The following SEMA3D variants were observed in gnomAD, a reference collection of about 807,000 sequenced individuals.
The protein encoded by SEMA3D is semaphorin-3D.
Under a neutral mutation model 100.1 loss-of-function variants are expected in SEMA3D, and 84 were observed. The observed-to-expected ratio is 0.84, with a 90% CI of 0.70 to 1.01. The LOEUF is 1.01. Ranked by LOEUF, SEMA3D falls within the 50% of genes least tolerant of loss-of-function variation. The pLI is 0.00. For synonymous variants in SEMA3D, 312 were observed against 320.7 expected (o/e 0.97, Z 0.29); for missense variants, 875 against 934.1 (o/e 0.94, Z 0.82).
chr7:85,039,293 T>G (rs536094957), intron 11 of SEMA3D, among the ~76,000 whole-genome samples: 1 of 152,124 alleles, frequency 6.6e-6, no homozygotes. Context: ...TGAGACAGAG[T>G]TTTGCTCTTG....
At chr7:85,228,482 A>G in the SEMA3D span, among the ~76,000 whole-genome samples, 1 of 152,238 alleles carries the variant, frequency 6.6e-6, no homozygotes, top group South Asian at 2.1e-4. Context: ...ATCTACTGGT[A>G]CACAGTGGTC....
chr7:85,110,489 A>G (rs1290211117), intron 3 of SEMA3D, among the ~76,000 whole-genome samples: 1 of 151,984 alleles, frequency 6.6e-6, no homozygotes, highest in Non-Finnish European at 1.5e-5. Flanking sequence ...CCTGTATCAT[A>G]TCATACTTAA....
the SEMA3D span, among the ~76,000 whole-genome samples, chr7:85,224,837 T>C: frequency 6.6e-6 from 1 of 151,876 alleles, no homozygotes; most frequent in African/African-American, 2.4e-5. Flanking sequence ...TTTATACTGA[T>C]AAGCATGAAA....
intron 1 of SEMA3D, among the ~76,000 whole-genome samples, chr7:85,171,972 G>GGT (rs1001625647): frequency 5.3e-5 from 8 of 149,846 alleles, no homozygotes; most frequent in South Asian, 4.2e-4. Context: ...TGTGTGTGTG[G>GGT]GTGTGTGTGT....
the SEMA3D span, among the ~76,000 whole-genome samples, chr7:85,210,511 T>C: frequency 6.6e-6 from 1 of 152,074 alleles, no homozygotes; most frequent in Admixed American, 6.6e-5. Context: ...AAGGATTCTA[T>C]GTAACTAGAG....
intron 3 of SEMA3D, among the ~76,000 whole-genome samples, chr7:85,104,379 C>T (rs746182153): frequency 6.6e-6 from 1 of 152,026 alleles, no homozygotes; most frequent in African/African-American, 2.4e-5. Context: ...TCTATATTTC[C>T]TTTAGCAAGC....
At chr7:85,128,949 T>G (rs1190424939) in intron 2 of SEMA3D, among the ~76,000 whole-genome samples, 1 of 146,640 alleles carries the variant, frequency 6.8e-6, no homozygotes, top group Non-Finnish European at 1.5e-5. Flanking sequence ...TAGAGTGCAG[T>G]GGCATGACCA....
the SEMA3D span, among the ~76,000 whole-genome samples, chr7:85,212,803 G>T: frequency 6.6e-6 from 1 of 151,498 alleles, no homozygotes; most frequent in Non-Finnish European, 1.5e-5. Context: ...TTATTTTTAG[G>T]TATTTTATTT....
At chr7:85,146,171 A>T (rs963234812) in intron 2 of SEMA3D, among the ~76,000 whole-genome samples, 2 of 152,204 alleles carry the variant, frequency 1.3e-5, no homozygotes, top group African/African-American at 4.8e-5. Context: ...TATTTGTATG[A>T]CATCTTACAG....
upstream of SEMA3D, among the ~76,000 whole-genome samples, chr7:85,187,651 T>G (rs546607876): frequency 6.6e-6 from 1 of 152,298 alleles, no homozygotes; most frequent in East Asian, 1.9e-4. Context: ...TTTTAGATTT[T>G]TGCACCCCTT....
intron 5 of SEMA3D, among the ~76,000 whole-genome samples, chr7:85,080,530 C>T (rs145195927): frequency 9.9e-5 from 15 of 152,132 alleles, no homozygotes; most frequent in Non-Finnish European, 2.1e-4. Context: ...GTTAGAGGTA[C>T]GATTAAAGGA....
At chr7:85,014,543 G>A (rs922600286) in intron 16 of SEMA3D, among the ~76,000 whole-genome samples, 5 of 151,684 alleles carry the variant, frequency 3.3e-5, no homozygotes, top group African/African-American at 4.8e-5. Context: ...CAAGGAAACC[G>A]TTTGTTGTTT....
chr7:85,082,827 C>T (rs1788104192), intron 4 of SEMA3D, among the ~76,000 whole-genome samples: 1 of 152,144 alleles, frequency 6.6e-6, no homozygotes, highest in Non-Finnish European at 1.5e-5. Context: ...TAGAGAAGAT[C>T]TTAACATTCA....
intron 2 of SEMA3D, chr7:85,141,206 T>G: frequency 2.0e-6 from 2 of 983,420 alleles, no homozygotes; most frequent in Non-Finnish European, 2.4e-6. Context: ...AGCACACATA[T>G]TAACCCCCTC....
intron 2 of SEMA3D, among the ~76,000 whole-genome samples, chr7:85,129,836 A>C (rs997117971): frequency 5.3e-5 from 8 of 152,118 alleles, no homozygotes; most frequent in African/African-American, 1.7e-4. Context: ...TTTAACAGCA[A>C]ACATTTAATC....
the SEMA3D span, among the ~76,000 whole-genome samples, chr7:85,208,609 C>A: frequency 1.3e-5 from 2 of 151,964 alleles, no homozygotes; most frequent in East Asian, 3.9e-4. Flanking sequence ...ATCCTTTGTA[C>A]AAAATCCAGA....
At chr7:85,058,095 T>G (rs1001709122) in intron 8 of SEMA3D, among the ~76,000 whole-genome samples, 14 of 152,224 alleles carry the variant, frequency 9.2e-5, no homozygotes, top group Admixed American at 5.2e-4. Flanking sequence ...AATACATTCA[T>G]GAACTTTCTT....
chr7:85,024,414 T>C (rs1282130320), intron 12 of SEMA3D, among the ~76,000 whole-genome samples: 1 of 151,924 alleles, frequency 6.6e-6, no homozygotes, highest in Non-Finnish European at 1.5e-5. Flanking sequence ...AATAATATCA[T>C]GACATTCAAG....
intron 4 of SEMA3D, among the ~76,000 whole-genome samples, chr7:85,083,649 C>A (rs1788127670): frequency 6.7e-6 from 1 of 150,094 alleles, no homozygotes; most frequent in Non-Finnish European, 1.5e-5. Context: ...TCGAGACCAT[C>A]CTGGCTAACA....
Sources: gnomAD v4.1 joint callset for allele counts (sites outside exome capture counted in the v4.1 genomes callset) on GRCh38, gnomAD v4.1.1 for gene constraint, MANE v1.5 for transcripts, NCBI Gene and HGNC (gene_info 2026-07-23, HGNC 2026-07-21) for gene names.